The following CLSTN2 variants were observed in gnomAD, a reference collection of about 807,000 sequenced individuals.
The protein encoded by CLSTN2 is calsyntenin-2.
In CLSTN2, 48 loss-of-function variants were observed where a neutral mutation model predicts 101.2. The observed-to-expected ratio is 0.47, with a 90% CI of 0.38 to 0.60. The LOEUF is 0.60. Among genes scored for constraint, CLSTN2 ranks in the 20% least tolerant of loss-of-function variants. The pLI is 0.00. For synonymous variants in CLSTN2, 481 were observed against 463.6 expected (o/e 1.04, Z -0.48); for missense variants, 1,160 against 1,238.2 (o/e 0.94, Z 0.95).
intron 8 of CLSTN2, among the ~76,000 whole-genome samples, chr3:140,496,673 G>A (rs1934473026): frequency 6.6e-6 from 1 of 152,132 alleles, no homozygotes; most frequent in African/African-American, 2.4e-5. Flanking sequence ...TTAACATGAA[G>A]GGATGTTGAA....
chr3:140,369,251 C>T (rs2087825007), intron 2 of CLSTN2, among the ~76,000 whole-genome samples: 1 of 152,208 alleles, frequency 6.6e-6, no homozygotes, highest in African/African-American at 2.4e-5. Flanking sequence ...CTAGACACTT[C>T]AATTGTTATA....
intron 1 of CLSTN2, among the ~76,000 whole-genome samples, chr3:140,175,508 G>T (rs1179008329): frequency 6.6e-6 from 1 of 152,162 alleles, no homozygotes. Flanking sequence ...AGGTCAGAAA[G>T]CTGAGCATAC....
intron 8 of CLSTN2, among the ~76,000 whole-genome samples, chr3:140,529,864 T>A (rs375807742): frequency 6.6e-6 from 1 of 152,220 alleles, no homozygotes. Context: ...TTGTGACCCA[T>A]ATTAAAATGA....
intron 1 of CLSTN2, among the ~76,000 whole-genome samples, chr3:140,004,923 A>G (rs2006923826): frequency 6.6e-6 from 1 of 152,208 alleles, no homozygotes; most frequent in African/African-American, 2.4e-5. Flanking sequence ...TATTGTCCAT[A>G]TAATATGCCC....
chr3:140,553,197 G>T (rs1010572668), intron 10 of CLSTN2, among the ~76,000 whole-genome samples: 1 of 152,240 alleles, frequency 6.6e-6, no homozygotes, highest in Non-Finnish European at 1.5e-5. Flanking sequence ...GGACAGAAGA[G>T]AATTGTGTCA....
At chr3:139,960,096 C>A (rs1441499104) in intron 1 of CLSTN2, among the ~76,000 whole-genome samples, 1 of 152,170 alleles carries the variant, frequency 6.6e-6, no homozygotes, top group African/African-American at 2.4e-5. Context: ...TGCTTAAACA[C>A]CAGCTTTTAG....
chr3:140,496,899 G>C (rs1474764447), intron 8 of CLSTN2, among the ~76,000 whole-genome samples: 2 of 152,144 alleles, frequency 1.3e-5, no homozygotes, highest in Admixed American at 1.3e-4. Context: ...TCAGGAGTTC[G>C]AGACTAGCCT....
At chr3:139,960,478 G>A (rs1397976128) in intron 1 of CLSTN2, among the ~76,000 whole-genome samples, 1 of 152,130 alleles carries the variant, frequency 6.6e-6, no homozygotes, top group Non-Finnish European at 1.5e-5. Context: ...GAGTATCAAA[G>A]ATGGAATCTT....
chr3:140,559,893 G>A (rs990362205), intron 12 of CLSTN2, among the ~76,000 whole-genome samples: 1 of 152,204 alleles, frequency 6.6e-6, no homozygotes, highest in African/African-American at 2.4e-5. Context: ...TTTACCACCT[G>A]TCCAGGCAGG....
At chr3:140,467,446 C>T (rs549913041) in intron 8 of CLSTN2, among the ~76,000 whole-genome samples, 29 of 152,216 alleles carry the variant, frequency 1.9e-4, no homozygotes, top group African/African-American at 6.0e-4. Flanking sequence ...AGGGACCAGG[C>T]GCTAATTGTT....
chr3:140,264,183 T>C (rs2086676176), intron 2 of CLSTN2, among the ~76,000 whole-genome samples: 1 of 151,812 alleles, frequency 6.6e-6, no homozygotes, highest in Admixed American at 6.6e-5. Flanking sequence ...CCACATGTTT[T>C]TCACTTTTAT....
chr3:139,993,853 A>G (rs899955725), intron 1 of CLSTN2, among the ~76,000 whole-genome samples: 7 of 152,016 alleles, frequency 4.6e-5, no homozygotes, highest in African/African-American at 1.2e-4. Flanking sequence ...TAAAGAAAGT[A>G]TATGACAAGT....
At chr3:140,212,217 A>G (rs1382778078) in intron 2 of CLSTN2, among the ~76,000 whole-genome samples, 1 of 152,196 alleles carries the variant, frequency 6.6e-6, no homozygotes, top group African/African-American at 2.4e-5. Context: ...CTGGTGCATT[A>G]TGTTTATAAT....
At chr3:140,498,678 T>C (rs1934515315) in intron 8 of CLSTN2, among the ~76,000 whole-genome samples, 1 of 152,228 alleles carries the variant, frequency 6.6e-6, no homozygotes, top group Non-Finnish European at 1.5e-5. Flanking sequence ...TTAATGAAAG[T>C]TGTATCCTCA....
chr3:140,576,616 G>C lies in CLSTN2; in HGVS notation c.*10363G>C, dbSNP rs1985737580. ...AGAGAGGTATGTTTTCTCTCCTCCA[G>C]AGTCTCTGTGGTGTTGACACAGCAG... On this transcript the variant is annotated 3_prime_UTR_variant, in exon 17 of 17. Transcript: ENST00000458420. The C allele has an allele frequency of 1.3e-5, 2 of 152,208 alleles. No homozygotes were observed. Among genetic ancestry groups the C allele is most frequent in the Non-Finnish European group, 2.9e-5 (2 of 68,058 alleles). The allele number at this position is 152,208 out of a possible 1,614,324, so 9.4% of individuals were successfully genotyped here.
At chr3:140,454,215 C>T (rs939656078) in intron 6 of CLSTN2, 1 of 152,176 alleles carries the variant, frequency 6.6e-6, no homozygotes, top group Non-Finnish European at 1.5e-5. Context: ...TAAGCAACTA[C>T]AATACAACAT....
In CLSTN2 at chr3:140,566,214, A is replaced by C. The variant is rs138416223; in HGVS notation, c.2829A>C (p.Gln943His). Residue 943 changes from glutamine to histidine, a missense_variant, in exon 17 of 17, where the codon CAA becomes CAC. Transcript: ENST00000458420. The part of the protein sequence containing the change: ...RGRHGQNGAR[Q>H]AQLEWDDSTL... ...GACATGGGCAGAATGGAGCCAGGCA[A>C]GCCCAGCTGGAGTGGGATGACTCCA... 74 of 1,592,868 alleles carry C rather than the reference A, an allele frequency of 4.6e-5. No individual in the cohort carries two copies. Among genetic ancestry groups the C allele is most frequent in the Admixed American group, 7.1e-5 (4 of 56,292 alleles).
intron 1 of CLSTN2, among the ~76,000 whole-genome samples, chr3:140,063,983 C>A (rs368661146): frequency 6.6e-6 from 1 of 152,118 alleles, no homozygotes; most frequent in African/African-American, 2.4e-5. Flanking sequence ...CCCAGAAGCC[C>A]CTGCCAGGGC....
chr3:140,242,652 C>A (rs146754175), intron 2 of CLSTN2, among the ~76,000 whole-genome samples: 3 of 152,194 alleles, frequency 2.0e-5, no homozygotes, highest in South Asian at 2.1e-4. Context: ...CCTTCTCCTG[C>A]GGGCACTTAC....
Sources: gnomAD v4.1 joint callset for allele counts (sites outside exome capture counted in the v4.1 genomes callset) on GRCh38, gnomAD v4.1.1 for gene constraint, MANE v1.5 for transcripts, NCBI Gene and HGNC (gene_info 2026-07-23, HGNC 2026-07-21) for gene names.